Variants in LIMD1 observed in about 807,000 individuals in gnomAD.
The protein encoded by LIMD1 is LIM domain-containing protein 1.
In LIMD1, 23 loss-of-function variants were observed where a neutral mutation model predicts 58.4. That is an observed-to-expected ratio of 0.39 (90% CI 0.28 to 0.56). The LOEUF (loss-of-function observed/expected upper bound fraction) is 0.56. Ranked by LOEUF, LIMD1 falls within the 20% of genes least tolerant of loss-of-function variation. LIMD1 has a pLI of 0.57. For synonymous variants in LIMD1, 334 were observed against 345.5 expected, an observed-to-expected ratio of 0.97 and a Z score of 0.37; for missense variants, 838 against 855.5, an observed-to-expected ratio of 0.98 and a Z score of 0.25.
At chr3:45,645,994 C>T (rs1701901149) in intron 2 of LIMD1, among the ~76,000 whole-genome samples, 7 of 150,196 alleles carry the variant, frequency 4.7e-5, no homozygotes, top group Admixed American at 4.0e-4. Flanking sequence ...CGTGCCACTG[C>T]ACTCCAGCCT....
intron 5 of LIMD1, 78 bp from the exon 6 acceptor site, chr3:45,673,376 G>T: frequency 8.7e-7 from 1 of 1,143,416 alleles, no homozygotes; most frequent in Non-Finnish European, 1.3e-6. Flanking sequence ...AAGGCTCCAT[G>T]TGGATTCCAA....
rs1701346202 is a variant in LIMD1 at position 45,596,082 on chromosome 3, T to C, written c.1203T>C (p.Cys401=). Residue 401 remains cysteine (C), a synonymous_variant, in exon 1 of 8, where the codon TGT becomes TGC. Coordinates refer to ENST00000273317, the MANE Select transcript of LIMD1 (RefSeq NM_014240.3). ...TGTCCACCCTGCCTGAGTTATCTTG[T>C]AAAGAGGGTCCCCTGGGCTGGTCTT... ...PVMSTLPELS[C]KEGPLGWSSD... is the part of the protein sequence containing the mutation. 6.2e-7 allele frequency: 1 copy of C among 1,614,028 alleles called. No homozygotes were observed. The highest frequency in any genetic ancestry group is 8.5e-7 in the Non-Finnish European group (1 of 1,180,018).
chr3:45,637,159 A>C (rs1701797240), intron 2 of LIMD1, among the ~76,000 whole-genome samples: 1 of 152,200 alleles, frequency 6.6e-6, no homozygotes, highest in African/African-American at 2.4e-5. Flanking sequence ...AAACCCTGCT[A>C]ATCAGAATCA....
At chr3:45,618,459 C>A (rs968698387) in intron 1 of LIMD1, among the ~76,000 whole-genome samples, 1 of 151,964 alleles carries the variant, frequency 6.6e-6, no homozygotes, top group Non-Finnish European at 1.5e-5. Context: ...GAGCTCAGTC[C>A]GGAGAGTCTG....
Position 45,594,976 on chromosome 3 carries a change from A to C in LIMD1, c.97A>C (p.Lys33Gln). ...TAAGGATGGGCTCTTCCGAGTGGACAAGGGTGCAGGCAACAACCCCGAGTT... is the reference window on the plus strand; with the variant it reads ...TAAGGATGGGCTCTTCCGAGTGGACCAGGGTGCAGGCAACAACCCCGAGTT... ...ASKDGLFRVD[K>Q]GAGNNPEFEE... The change falls in exon 1 of 8, where the codon AAG becomes CAG. Residue 33 changes from lysine (K) to glutamine (Q), a missense_variant. Physicochemically the swap from Lys to Gln is moderately conservative, Grantham distance 53. Around this residue, in one of 3 missense-constraint regions of LIMD1, gnomAD observed 659 missense variants for 639.8 expected, o/e 1.03. Coordinates refer to ENST00000273317, the MANE Select transcript of LIMD1 (RefSeq NM_014240.3). 1 of 1,613,952 alleles carries C rather than the reference A, an allele frequency of 6.2e-7. No individual in the cohort carries two copies. The highest frequency in any genetic ancestry group is 8.5e-7 in the Non-Finnish European group (1 of 1,180,016).
intron 2 of LIMD1, among the ~76,000 whole-genome samples, chr3:45,654,229 C>T (rs775809160): frequency 1.3e-5 from 2 of 152,182 alleles, no homozygotes; most frequent in South Asian, 2.1e-4. Context: ...TTTCTTTTCT[C>T]GGAAACTCTT....
intron 1 of LIMD1, among the ~76,000 whole-genome samples, chr3:45,624,503 C>T (rs995423224): frequency 1.3e-5 from 2 of 151,988 alleles, no homozygotes; most frequent in African/African-American, 4.8e-5. Flanking sequence ...GTCAGGAGAT[C>T]GAGACCATCC....
intron 2 of LIMD1, among the ~76,000 whole-genome samples, chr3:45,663,603 T>A (rs1697471712): frequency 6.6e-6 from 1 of 152,244 alleles, no homozygotes; most frequent in Non-Finnish European, 1.5e-5. Flanking sequence ...TGGTTATTCC[T>A]AAGGTATAAC....
intron 1 of LIMD1, among the ~76,000 whole-genome samples, chr3:45,614,743 T>C (rs1015956475): frequency 4.4e-5 from 6 of 136,876 alleles, no homozygotes; most frequent in Non-Finnish European, 9.2e-5. Context: ...ATAATAATAA[T>C]AAAATAAAAA....
intron 1 of LIMD1, among the ~76,000 whole-genome samples, chr3:45,606,014 G>A (rs911794830): frequency 2.0e-5 from 3 of 152,238 alleles, no homozygotes; most frequent in Admixed American, 2.0e-4. Flanking sequence ...ATTAGGCCGT[G>A]AAGGTGGAAT....
rs1448537812 is a variant in LIMD1, at chr3:45,678,334, C to T, written c.*1275C>T. 2.3e-5 allele frequency: 2 copies of T among 87,866 alleles called. No individual in the cohort carries two copies. The highest frequency in any genetic ancestry group is 5.3e-5 in the Non-Finnish European group (2 of 37,794). The allele number at this position is 87,866 out of a possible 1,614,324, so 5.4% of individuals were successfully genotyped here. Reference sequence around the variant, plus strand: ...TTGGAAATCACTGGCTTCACACAGGCCCAACTCCAGCTGGTCAGGGCAGAG... The same window carrying T: ...TTGGAAATCACTGGCTTCACACAGGTCCAACTCCAGCTGGTCAGGGCAGAG... On this transcript the variant is annotated 3_prime_UTR_variant, in exon 8 of 8. Coordinates refer to ENST00000273317, the MANE Select transcript of LIMD1 (RefSeq NM_014240.3).
In LIMD1 at chr3:45,595,904, A is replaced by C. The variant is rs1039996537; in HGVS notation, c.1025A>C (p.Lys342Thr). The C allele has an allele frequency of 6.2e-7, 1 of 1,614,042 alleles. No homozygotes were observed. Among genetic ancestry groups the C allele is most frequent in the Non-Finnish European group, 8.5e-7 (1 of 1,180,024 alleles). The change falls in exon 1 of 8, where the codon AAA becomes ACA. Residue 342 changes from lysine to threonine, a missense_variant. Lys to Thr is a moderately conservative substitution (Grantham distance 78). Coordinates refer to ENST00000273317, the MANE Select transcript of LIMD1 (RefSeq NM_014240.3). Reference protein sequence around the residue: ...DPQPWFQDGPKSYLSSSAPSS... With the variant: ...DPQPWFQDGPTSYLSSSAPSS... ...CAACCCTGGTTCCAGGATGGGCCCA[A>C]ATCTTACCTTTCCAGTTCTGCCCCG...
At chr3:45,617,034 ATTTTTTTT>A (rs35895557) in intron 1 of LIMD1, among the ~76,000 whole-genome samples, 2 of 114,142 alleles carry the variant, frequency 1.8e-5, no homozygotes, top group African/African-American at 3.5e-5. Flanking sequence ...TGCCTGGCCT[ATTTTTTTT>A]TTTTTTTTTG....
chr3:45,635,413 T>C (rs1469114968), intron 1 of LIMD1, among the ~76,000 whole-genome samples: 1 of 151,630 alleles, frequency 6.6e-6, no homozygotes, highest in African/African-American at 2.4e-5. Context: ...TAGGGGCCCA[T>C]CAGCAAAGGC....
intron 2 of LIMD1, among the ~76,000 whole-genome samples, chr3:45,641,871 G>A (rs62242182): frequency 0.19 from 28,705 of 152,246 alleles, 3,101 homozygotes; most frequent in Non-Finnish European, 0.25. Context: ...CTGCAGCTAA[G>A]TGGTCTCAGA....
intron 2 of LIMD1, among the ~76,000 whole-genome samples, chr3:45,660,372 A>G (rs1334239531): frequency 1.4e-5 from 2 of 144,454 alleles, no homozygotes; most frequent in Middle Eastern, 3.7e-3. Context: ...AGTTTTGCTT[A>G]CTGGTTGAGC....
intron 6 of LIMD1, chr3:45,673,982 C>G (rs1697632857): frequency 3.6e-6 from 1 of 274,360 alleles, no homozygotes; most frequent in Admixed American, 4.6e-5. Context: ...CAGTACCCTT[C>G]TTGTGCTGAT....
At chr3:45,643,379 G>T (rs909299784) in intron 2 of LIMD1, among the ~76,000 whole-genome samples, 1 of 152,060 alleles carries the variant, frequency 6.6e-6, no homozygotes, top group African/African-American at 2.4e-5. Context: ...TAGCTATTTG[G>T]GGGGCTGAGG....
chr3:45,653,160 TAAAAA>T (rs2125664266), intron 2 of LIMD1, among the ~76,000 whole-genome samples: 1 of 152,306 alleles, frequency 6.6e-6, no homozygotes, highest in African/African-American at 2.4e-5. Context: ...AGATGGAAAT[TAAAAA>T]CAAAAGCCTC....
Sources: allele counts gnomAD v4.1 joint callset (sites outside exome capture counted in the v4.1 genomes callset), GRCh38; gene constraint gnomAD v4.1.1; regional missense constraint gnomAD v4.1.1; transcripts MANE v1.5; gene names NCBI Gene and HGNC (gene_info 2026-07-23, HGNC 2026-07-21).